Variants in CRISPLD2 observed in about 807,000 individuals in gnomAD.
CRISPLD2 encodes cysteine rich secretory protein LCCL domain containing 2.
CRISPLD2 carries 47 observed loss-of-function variants against 71.1 expected under a neutral mutation model. That is an observed-to-expected ratio of 0.66 (90% CI 0.52 to 0.84). CRISPLD2 has a LOEUF of 0.84. Among genes scored for constraint, CRISPLD2 ranks in the 40% least tolerant of loss-of-function variants. The pLI, the probability that CRISPLD2 is intolerant of heterozygous loss-of-function variation, is 0.00. For synonymous variants in CRISPLD2, 317 were observed against 250.1 expected (o/e 1.27, Z -2.52); for missense variants, 830 against 651.1 (o/e 1.27, Z -2.99).
intron 6 of CRISPLD2, among the ~76,000 whole-genome samples, chr16:84,855,322 C>T (rs1202397465): frequency 6.6e-6 from 1 of 152,174 alleles, no homozygotes; most frequent in Non-Finnish European, 1.5e-5. Context: ...GTATTAAACT[C>T]ACGTGATCAC....
chr16:84,896,085 C>G (rs1371278865), intron 14 of CRISPLD2, among the ~76,000 whole-genome samples: 3 of 149,486 alleles, frequency 2.0e-5, no homozygotes, highest in Non-Finnish European at 4.4e-5. Flanking sequence ...GTTGCCCAGG[C>G]TGGGATGCAG....
intron 5 of CRISPLD2, among the ~76,000 whole-genome samples, chr16:84,851,358 C>T (rs973227435): frequency 6.6e-6 from 1 of 152,210 alleles, no homozygotes; most frequent in Non-Finnish European, 1.5e-5. Context: ...CAAATATGTG[C>T]TGATTCTTGG....
chr16:84,850,747 C>A, intron 5 of CRISPLD2, 64 bp downstream of exon 5: 1 of 1,331,550 alleles, frequency 7.5e-7, no homozygotes, highest in Non-Finnish European at 1.1e-6. Flanking sequence ...CCAGGGAGCA[C>A]CCAGTGAAAA....
chr16:84,887,425 G>A (rs1029825316), intron 13 of CRISPLD2, among the ~76,000 whole-genome samples: 1 of 152,220 alleles, frequency 6.6e-6, no homozygotes, highest in African/African-American at 2.4e-5. Flanking sequence ...CAAGACCGGA[G>A]TCCGTCTTCG....
intron 1 of CRISPLD2, among the ~76,000 whole-genome samples, chr16:84,826,705 C>T (rs928081776): frequency 6.6e-6 from 1 of 152,240 alleles, no homozygotes; most frequent in African/African-American, 2.4e-5. Flanking sequence ...GGACAAAGTG[C>T]TCTCTCAGAC....
At chr16:84,847,419 A>AGCG in intron 3 of CRISPLD2, among the ~76,000 whole-genome samples, 1 of 152,318 alleles carries the variant, frequency 6.6e-6, no homozygotes, top group South Asian at 2.1e-4. Context: ...TGGGAGGCCA[A>AGCG]GGTGGGCAGA....
At chr16:84,880,135 T>C (rs147489082) in intron 12 of CRISPLD2, among the ~76,000 whole-genome samples, 20 of 152,310 alleles carry the variant, frequency 1.3e-4, no homozygotes, top group East Asian at 9.6e-4. Context: ...AAAAAGTCTC[T>C]TGATGCTAAT....
At chr16:84,840,018 CA>C (rs5818511) in intron 2 of CRISPLD2, 12,621 of 134,394 alleles carry the variant, frequency 0.094, 542 homozygotes, top group Admixed American at 0.12. Flanking sequence ...GACCCTGTCT[CA>C]AAAAAAAAAA....
chr16:84,874,822 G>C (rs1193908195), intron 11 of CRISPLD2, among the ~76,000 whole-genome samples: 1 of 152,096 alleles, frequency 6.6e-6, no homozygotes, highest in African/African-American at 2.4e-5. Flanking sequence ...TGAACACTTT[G>C]GCAAATATTC....
At chr16:84,904,644 A>G (rs996593325) in intron 14 of CRISPLD2, among the ~76,000 whole-genome samples, 1 of 152,166 alleles carries the variant, frequency 6.6e-6, no homozygotes, top group Admixed American at 6.5e-5. Context: ...TTGGAAGTCC[A>G]TAAAATAAAT....
chr16:84,905,256 G>A (rs2143397495), intron 14 of CRISPLD2, among the ~76,000 whole-genome samples: 1 of 152,318 alleles, frequency 6.6e-6, no homozygotes, highest in Middle Eastern at 3.4e-3. Context: ...GACAGACCTT[G>A]TGTCTAAAAC....
chr16:84,849,269 T>C (rs974322218), intron 3 of CRISPLD2, 116 bp from the exon 4 acceptor site: 2 of 996,272 alleles, frequency 2.0e-6, no homozygotes, highest in Non-Finnish European at 2.9e-6. Flanking sequence ...CTCCTGGAAT[T>C]GGCCGCTATT....
intron 6 of CRISPLD2, among the ~76,000 whole-genome samples, chr16:84,862,638 G>A (rs1293417599): frequency 6.8e-6 from 1 of 147,946 alleles, no homozygotes; most frequent in African/African-American, 2.5e-5. Flanking sequence ...GGCATGGCTG[G>A]TCCATGGTGC....
chr16:84,867,772 C>T (rs1046079675), intron 7 of CRISPLD2, among the ~76,000 whole-genome samples: 1 of 152,148 alleles, frequency 6.6e-6, no homozygotes, highest in Non-Finnish European at 1.5e-5. Flanking sequence ...ATGTTTCCCC[C>T]TGGGACTTCC....
intron 13 of CRISPLD2, among the ~76,000 whole-genome samples, chr16:84,888,393 A>G (rs2071631531): frequency 6.6e-6 from 1 of 152,240 alleles, no homozygotes; most frequent in African/African-American, 2.4e-5. Flanking sequence ...AAAATTAGCC[A>G]GGTGTTGTGG....
rs549637774 is a variant in CRISPLD2, at chr16:84,886,502, C to T, written c.1306-2728C>T. ...GCTCCCTGAGCTTGGGTGTAGCTCC[C>T]CACTCCCCTCTCTGTTGTAGTAAAA... On this transcript the variant is annotated intron_variant, in intron 13 of 14. Transcript: ENST00000262424. 4.9e-3 allele frequency among the ~76,000 whole-genome samples: 746 copies of T among 152,124 alleles called. 6 individuals carry two copies. Among genetic ancestry groups the T allele is most frequent in the African/African-American group, 0.017 (704 of 41,496 alleles).
At position 84,906,841 on chromosome 16, in the gene CRISPLD2, C is replaced by A. The variant is rs571549237; in HGVS notation, c.*199C>A. The A allele has an allele frequency of 8.8e-6, 6 of 682,576 alleles. No homozygotes were observed. The South Asian group carries it at 9.7e-5, about 11-fold the overall frequency. The allele number at this position is 682,576 out of a possible 1,614,324, so 42.3% of individuals were successfully genotyped here. On this transcript the variant is annotated 3_prime_UTR_variant, in exon 15 of 15. Transcript: ENST00000262424. ...GCAACAGCATCCCAAGGTGCTCAGC[C>A]GGACTCCCTGGTGCCTGATCCTGCT...
Position 84,868,771 on chromosome 16 carries a change from A to T in CRISPLD2, c.854-80A>T. On this transcript the variant is annotated intron_variant, in intron 7 of 14. Coordinates refer to ENST00000262424, the MANE Select transcript of CRISPLD2 (RefSeq NM_031476.4). The stretch of plus-strand genomic sequence containing the variant: ...CGGATTGGATTGCAGAATGTTCCAG[A>T]ATGTCCCTCAGCATGGGGAAGGGTC... 15 of 1,124,256 alleles carry T rather than the reference A, an allele frequency of 1.3e-5. No homozygotes were observed. In the South Asian group the frequency reaches 1.9e-4, roughly 14 times the overall value. 69.6% of individuals were successfully genotyped at this position (1,124,256 alleles called of 1,614,324 possible).
chr16:84,867,848 A>G (rs1426325304), intron 7 of CRISPLD2, among the ~76,000 whole-genome samples: 1 of 152,106 alleles, frequency 6.6e-6, no homozygotes, highest in Non-Finnish European at 1.5e-5. Flanking sequence ...TGGGCACCTC[A>G]GCTCCCCAAG....
Sources: gnomAD v4.1 joint callset for allele counts (sites outside exome capture counted in the v4.1 genomes callset) on GRCh38, gnomAD v4.1.1 for gene constraint, MANE v1.5 for transcripts, NCBI Gene and HGNC (gene_info 2026-07-23, HGNC 2026-07-21) for gene names.